The following EXPH5 variants were observed in gnomAD, a reference collection of about 807,000 sequenced individuals.
The protein encoded by EXPH5 is exophilin 5.
EXPH5 carries 42 observed loss-of-function variants against 41.1 expected under a neutral mutation model. That is an observed-to-expected ratio of 1.02 (90% CI 0.80 to 1.32). EXPH5 has a LOEUF of 1.32. EXPH5 is among the 40% of genes most tolerant of loss of function. The probability of loss-of-function intolerance (pLI) is 0.00; values close to 1 mark genes in which losing one functional copy is unlikely to be tolerated. For synonymous variants in EXPH5, 798 were observed against 833.5 expected, an observed-to-expected ratio of 0.96 and a Z score of 0.73; for missense variants, 2,298 against 2,314.5, an observed-to-expected ratio of 0.99 and a Z score of 0.15.
chr11:108,530,708 G>A (rs988061308), intron 3 of EXPH5, among the ~76,000 whole-genome samples: 2 of 152,216 alleles, frequency 1.3e-5, no homozygotes, highest in African/African-American at 4.8e-5. Context: ...ATGGCAGCAG[G>A]AGCAGGTTTC....
intron 1 of EXPH5, among the ~76,000 whole-genome samples, chr11:108,587,605 T>A (rs1259526852): frequency 6.6e-6 from 1 of 152,194 alleles, no homozygotes; most frequent in East Asian, 1.9e-4. Flanking sequence ...CATTTAGACA[T>A]TTTTAAAAAG....
intron 3 of EXPH5, among the ~76,000 whole-genome samples, chr11:108,533,733 C>G (rs1221103739): frequency 6.6e-6 from 1 of 152,200 alleles, no homozygotes; most frequent in Non-Finnish European, 1.5e-5. Flanking sequence ...TGTTTAGCAG[C>G]ACCCCTGGCC....
Position 108,514,467 on chromosome 11 carries a change from G to C in EXPH5, c.1040C>G (p.Thr347Arg). 1 of 1,613,524 alleles carries C rather than the reference G, an allele frequency of 6.2e-7. No individual in the cohort carries two copies. Among genetic ancestry groups the C allele is most frequent in the Non-Finnish European group, 8.5e-7 (1 of 1,179,748 alleles). The change falls in exon 6 of 6, where the codon ACA becomes AGA. Residue 347 changes from threonine to arginine, a missense_variant. Thr to Arg is a moderately conservative substitution (Grantham distance 71). Coordinates refer to ENST00000265843, the MANE Select transcript of EXPH5 (RefSeq NM_015065.3). Reference sequence around the variant, plus strand: ...TATAAACCCACTCTTGCTCTGAGTTGTGGCTGGAAAATGTAAGCTTCTTGC... The same window carrying C: ...TATAAACCCACTCTTGCTCTGAGTTCTGGCTGGAAAATGTAAGCTTCTTGC... ...FTARSLHFPA[T>R]TQSKSGFIPP...
the EXPH5 span, among the ~76,000 whole-genome samples, chr11:108,601,675 A>T: frequency 6.6e-6 from 1 of 151,486 alleles, no homozygotes; most frequent in African/African-American, 2.4e-5. Flanking sequence ...AATGATGGAA[A>T]CTCTCTTTCT....
chr11:108,551,163 T>C (rs886534038), intron 1 of EXPH5, among the ~76,000 whole-genome samples: 2 of 152,206 alleles, frequency 1.3e-5, no homozygotes, highest in East Asian at 3.9e-4. Flanking sequence ...CTGCTGGAGC[T>C]GCCGAACTGA....
At chr11:108,550,959 T>C (rs1304943434) in intron 1 of EXPH5, among the ~76,000 whole-genome samples, 1 of 152,102 alleles carries the variant, frequency 6.6e-6, no homozygotes, top group Non-Finnish European at 1.5e-5. Flanking sequence ...GGAAATCTTA[T>C]AAAGCCGAAA....
At chr11:108,605,004 A>G in the EXPH5 span, among the ~76,000 whole-genome samples, 8 of 152,156 alleles carry the variant, frequency 5.3e-5, no homozygotes, top group Non-Finnish European at 1.2e-4. Context: ...ATTGAGAGTA[A>G]CAGAAGTAAG....
intron 1 of EXPH5, among the ~76,000 whole-genome samples, chr11:108,572,795 G>A (rs1371437500): frequency 6.6e-6 from 1 of 152,082 alleles, no homozygotes; most frequent in Non-Finnish European, 1.5e-5. Context: ...CTGACCTTAG[G>A]TGATCCACTC....
chr11:108,567,415 C>T (rs180933060), intron 1 of EXPH5, among the ~76,000 whole-genome samples: 10 of 152,328 alleles, frequency 6.6e-5, no homozygotes, highest in Admixed American at 5.9e-4. Context: ...CACTTCAATG[C>T]CAGCCTCTAT....
intron 1 of EXPH5, among the ~76,000 whole-genome samples, chr11:108,591,287 G>A (rs2094127026): frequency 6.6e-6 from 1 of 152,178 alleles, no homozygotes; most frequent in African/African-American, 2.4e-5. Flanking sequence ...TCAAGAAAAT[G>A]AGCAGAAGAG....
intron 1 of EXPH5, among the ~76,000 whole-genome samples, chr11:108,563,442 C>G (rs559047815): frequency 6.6e-6 from 1 of 152,186 alleles, no homozygotes; most frequent in Admixed American, 6.5e-5. Context: ...GGTGAATAAA[C>G]CTGAGTAGAA....
rs1485442413 is a variant in EXPH5 at position 108,506,857 on chromosome 11, G to C, written c.*2680C>G. The stretch of plus-strand genomic sequence containing the variant: ...AATACAAAAATTAGCTGGGCGTGGT[G>C]GTGGGCACCTGTAATCCCAGCTACT... On this transcript the variant is annotated 3_prime_UTR_variant, in exon 6 of 6. Coordinates refer to ENST00000265843, the MANE Select transcript of EXPH5 (RefSeq NM_015065.3). 1 of 152,112 alleles carries C rather than the reference G, an allele frequency of 6.6e-6. No individual in the cohort carries two copies. The highest frequency in any genetic ancestry group is 2.4e-5 in the African/African-American group (1 of 41,420). The allele number at this position is 152,112 out of a possible 1,614,324, so 9.4% of individuals were successfully genotyped here.
In EXPH5 at chr11:108,514,861, C is replaced by G; in HGVS notation, c.646G>C (p.Asp216His). 1 of 1,458,480 alleles carries G rather than the reference C, an allele frequency of 6.9e-7. No homozygotes were observed. The highest frequency in any genetic ancestry group is 9.0e-7 in the Non-Finnish European group (1 of 1,106,646). 90.3% of individuals were successfully genotyped at this position (1,458,480 alleles called of 1,614,324 possible). ...GACTGTTCCTGAGCCAATTTGCTAT[C>G]CAAGTCATCTAAAACTGAAAAGAGA... ...NEFFQVLDDL[D>H]SKLAQEQSAS... The change falls in exon 6 of 6, where the codon GAT (aspartate) becomes CAT (histidine). Residue 216 changes from aspartate (D) to histidine (H), a missense_variant. By Grantham distance (81) the Asp-to-His change is moderately conservative. Transcript: ENST00000265843.
At chr11:108,574,601 TC>T (rs573879868) in intron 1 of EXPH5, among the ~76,000 whole-genome samples, 16 of 152,188 alleles carry the variant, frequency 1.1e-4, no homozygotes, top group Admixed American at 5.9e-4. Context: ...TTCCCTCAAC[TC>T]CCCTCCTTTC....
chr11:108,539,461 C>A (rs1210971987), intron 2 of EXPH5, among the ~76,000 whole-genome samples: 4 of 152,134 alleles, frequency 2.6e-5, no homozygotes, highest in Admixed American at 2.6e-4. Flanking sequence ...TCCTCTCACC[C>A]AAGCTAGGAA....
At chr11:108,604,183 G>A in the EXPH5 span, among the ~76,000 whole-genome samples, 1 of 147,664 alleles carries the variant, frequency 6.8e-6, no homozygotes, top group Non-Finnish European at 1.5e-5. Flanking sequence ...TTGAGCCCAG[G>A]AGTTTGAGAC....
At chr11:108,578,707 A>G (rs78852081) in intron 1 of EXPH5, among the ~76,000 whole-genome samples, 4 of 152,208 alleles carry the variant, frequency 2.6e-5, no homozygotes, top group East Asian at 3.9e-4. Flanking sequence ...TTCACTTTCT[A>G]TCATCAGCGT....
At chr11:108,578,953 A>C (rs913375063) in intron 1 of EXPH5, among the ~76,000 whole-genome samples, 2 of 152,234 alleles carry the variant, frequency 1.3e-5, no homozygotes, top group Non-Finnish European at 2.9e-5. Context: ...GTCTGAAAAC[A>C]AGAACAATGA....
intron 4 of EXPH5, among the ~76,000 whole-genome samples, chr11:108,527,325 A>G (rs1047617499): frequency 6.6e-6 from 1 of 152,098 alleles, no homozygotes; most frequent in African/African-American, 2.4e-5. Context: ...GTCTCAAAAA[A>G]AAAGAACCTC....
Sources: allele counts gnomAD v4.1 joint callset (sites outside exome capture counted in the v4.1 genomes callset), GRCh38; gene constraint gnomAD v4.1.1; transcripts MANE v1.5; gene names NCBI Gene and HGNC (gene_info 2026-07-23, HGNC 2026-07-21).